Variants in MSRA observed in about 807,000 individuals in gnomAD.
MSRA encodes the protein mitochondrial peptide methionine sulfoxide reductase.
Under a neutral mutation model 31.3 loss-of-function variants are expected in MSRA, and 54 were observed. The observed-to-expected ratio is 1.73, with a 90% confidence interval of 1.39 to 2.17. The LOEUF (loss-of-function observed/expected upper bound fraction) is 2.17, where lower values mean the gene tolerates loss of function less well. MSRA is among the 30% of genes most tolerant of loss of function. The pLI is 0.00. For synonymous variants in MSRA, 169 were observed against 116.5 expected, an observed-to-expected ratio of 1.45 and a Z score of -2.90; for missense variants, 507 against 300.9, an observed-to-expected ratio of 1.69 and a Z score of -5.07.
At chr8:10,316,531 T>C (rs1429115930) in intron 4 of MSRA, among the ~76,000 whole-genome samples, 7 of 40,140 alleles carry the variant, frequency 1.7e-4, no homozygotes, top group Non-Finnish European at 1.7e-4. Flanking sequence ...ATGATCCCTC[T>C]CTCTCTCTCT....
At chr8:10,317,279 A>G (rs10112446) in intron 4 of MSRA, among the ~76,000 whole-genome samples, 24,165 of 152,178 alleles carry the variant, frequency 0.16, 2,342 homozygotes, top group African/African-American at 0.26. Context: ...CTTCCCTTTA[A>G]AGTTCTCATT....
intron 4 of MSRA, among the ~76,000 whole-genome samples, chr8:10,315,441 G>A (rs1425247761): frequency 6.6e-6 from 1 of 152,212 alleles, no homozygotes; most frequent in Non-Finnish European, 1.5e-5. Flanking sequence ...GGTGATGTGA[G>A]TATTCACTTT....
At chr8:10,286,511 AAGT>A (rs1330484581) in intron 3 of MSRA, among the ~76,000 whole-genome samples, 2 of 152,210 alleles carry the variant, frequency 1.3e-5, no homozygotes, top group Non-Finnish European at 2.9e-5. Flanking sequence ...GTGGAACTGT[AAGT>A]AGGATAAACC....
intron 5 of MSRA, among the ~76,000 whole-genome samples, chr8:10,427,442 C>T (rs949637435): frequency 2.6e-5 from 4 of 152,186 alleles, no homozygotes; most frequent in Non-Finnish European, 5.9e-5. Flanking sequence ...TAAACTAGGA[C>T]GCAGAGGGTG....
At chr8:10,363,164 CT>C (rs1804953372) in intron 5 of MSRA, among the ~76,000 whole-genome samples, 1 of 152,186 alleles carries the variant, frequency 6.6e-6, no homozygotes. Context: ...TCTTCAGGTC[CT>C]TGGGTACTTG....
intron 4 of MSRA, among the ~76,000 whole-genome samples, chr8:10,302,850 G>A (rs1290824677): frequency 6.6e-6 from 1 of 152,176 alleles, no homozygotes; most frequent in East Asian, 1.9e-4. Flanking sequence ...GGGCAGGGTA[G>A]GGAAAGAACC....
At chr8:10,152,382 G>T (rs117935088) in intron 1 of MSRA, among the ~76,000 whole-genome samples, 2,956 of 152,264 alleles carry the variant, frequency 0.019, 39 homozygotes, top group Non-Finnish European at 0.028. Flanking sequence ...TAATAAAGAG[G>T]TATTTTTAAG....
intron 1 of MSRA, among the ~76,000 whole-genome samples, chr8:10,077,617 C>T (rs1229459966): frequency 6.6e-6 from 1 of 151,716 alleles, no homozygotes; most frequent in Non-Finnish European, 1.5e-5. Flanking sequence ...GTCCCCAGGA[C>T]TGGACCCCTT....
chr8:10,110,692 G>C (rs903576266), intron 1 of MSRA, among the ~76,000 whole-genome samples: 1 of 152,144 alleles, frequency 6.6e-6, no homozygotes, highest in Non-Finnish European at 1.5e-5. Context: ...TAGTGATCGC[G>C]CTTTCTCCCA....
intron 1 of MSRA, among the ~76,000 whole-genome samples, chr8:10,100,293 G>T (rs1175402695): frequency 1.3e-5 from 2 of 152,156 alleles, no homozygotes; most frequent in African/African-American, 4.8e-5. Flanking sequence ...GGCAGAGTCA[G>T]GAGCATTGTG....
chr8:10,283,179 C>A (rs1799725692), intron 3 of MSRA, among the ~76,000 whole-genome samples: 1 of 151,282 alleles, frequency 6.6e-6, no homozygotes, highest in East Asian at 1.9e-4. Flanking sequence ...CTTCTCTTTG[C>A]TGGGGAAAGG....
chr8:10,274,908 C>T (rs572602233), intron 3 of MSRA, among the ~76,000 whole-genome samples: 35 of 152,270 alleles, frequency 2.3e-4, no homozygotes, highest in African/African-American at 7.5e-4. Context: ...TCCAACCATT[C>T]GTCTATCTTC....
chr8:10,322,764 T>G lies in MSRA; in HGVS notation c.543+2775T>G, dbSNP rs1025350475. Among the ~76,000 whole-genome samples, 6 of 152,208 alleles carry G rather than the reference T, an allele frequency of 3.9e-5. 1 individual carries two copies. In the Middle Eastern group the frequency reaches 0.02, roughly 518 times the overall value. On this transcript the variant is annotated intron_variant, in intron 5 of 5. Transcript: ENST00000317173. The stretch of plus-strand genomic sequence containing the variant: ...TATATTTGCTAAATGAAACCCCAGT[T>G]GCTGATAAGATTACTTGGGAAAAGT...
chr8:10,261,193 T>C (rs539478935), intron 3 of MSRA, among the ~76,000 whole-genome samples: 2 of 152,288 alleles, frequency 1.3e-5, no homozygotes, highest in African/African-American at 2.4e-5. Flanking sequence ...TAAAAATGGA[T>C]GAATTGTCAT....
At chr8:10,219,805 C>CAAAAAAAAAAAAAAAAAAAAAAAAA (rs202000887) in intron 2 of MSRA, among the ~76,000 whole-genome samples, 1 of 46,072 alleles carries the variant, frequency 2.2e-5, no homozygotes, top group African/African-American at 1.7e-4. Context: ...GACTCTGTCT[C>CAAAAAAAAAAAAAAAAAAAAAAAAA]CAAAAAAAAA....
intron 5 of MSRA, among the ~76,000 whole-genome samples, chr8:10,384,987 G>A (rs1806299454): frequency 6.6e-6 from 1 of 152,078 alleles, no homozygotes. Flanking sequence ...GGGTGACAGA[G>A]CAAAACCCTG....
chr8:10,383,223 C>CA (rs1554546163), intron 5 of MSRA, among the ~76,000 whole-genome samples: 54 of 152,266 alleles, frequency 3.5e-4, no homozygotes, highest in Non-Finnish European at 7.2e-4. Context: ...GTGCAGGCTT[C>CA]CACAGGAGCT....
chr8:10,185,303 C>T (rs1168127213), intron 1 of MSRA, among the ~76,000 whole-genome samples: 2 of 152,174 alleles, frequency 1.3e-5, no homozygotes, highest in African/African-American at 2.4e-5. Context: ...CCAGGAATCT[C>T]ATTTAGTTCT....
At chr8:10,127,612 G>A (rs991944251) in intron 1 of MSRA, among the ~76,000 whole-genome samples, 4 of 152,202 alleles carry the variant, frequency 2.6e-5, no homozygotes, top group Non-Finnish European at 5.9e-5. Flanking sequence ...GATCCTTCCT[G>A]TAGCTTACTA....
Sources: allele counts gnomAD v4.1 joint callset (sites outside exome capture counted in the v4.1 genomes callset), GRCh38; gene constraint gnomAD v4.1.1; transcripts MANE v1.5; gene names NCBI Gene and HGNC (gene_info 2026-07-23, HGNC 2026-07-21).